Variants in VPS41 observed in about 807,000 individuals in gnomAD.
VPS41 encodes the protein VPS41 subunit of HOPS complex.
Under a neutral mutation model 130.9 loss-of-function variants are expected in VPS41, and 85 were observed. The observed-to-expected ratio is 0.65, with a 90% CI of 0.55 to 0.78. The LOEUF is 0.78. Among genes scored for constraint, VPS41 ranks in the 30% least tolerant of loss-of-function variants. The pLI is 0.00. For missense variants in VPS41, 874 were observed against 1,018.7 expected, an observed-to-expected ratio of 0.86 and a Z score of 1.93; for synonymous variants, 335 against 332.9, an observed-to-expected ratio of 1.01 and a Z score of -0.07.
intron 2 of VPS41, 49 bp from the exon 3 acceptor site, chr7:38,869,302 T>G (rs900000528): frequency 7.3e-7 from 1 of 1,374,576 alleles, no homozygotes; most frequent in Non-Finnish European, 1.0e-6. Flanking sequence ...TTTATTTGTT[T>G]TGAAAACCTC....
chr7:38,818,252 A>AC (rs1554293186), intron 6 of VPS41, among the ~76,000 whole-genome samples: 4 of 139,134 alleles, frequency 2.9e-5, no homozygotes, highest in East Asian at 2.5e-4. Flanking sequence ...AACAAAACAA[A>AC]AAAAAAAAAA....
intron 2 of VPS41, among the ~76,000 whole-genome samples, chr7:38,893,884 T>A (rs1297450356): frequency 2.0e-5 from 3 of 152,182 alleles, no homozygotes; most frequent in African/African-American, 7.2e-5. Context: ...ATGAAAAACA[T>A]ACGGCCAGTT....
At chr7:38,741,179 C>T (rs1795871803) in intron 25 of VPS41, 2 of 228,934 alleles carry the variant, frequency 8.7e-6, no homozygotes, top group Admixed American at 6.2e-5. Context: ...CAGCTAATAG[C>T]CTTTTCTTTT....
intron 7 of VPS41, among the ~76,000 whole-genome samples, chr7:38,802,298 C>T (rs1784744258): frequency 6.6e-6 from 1 of 152,176 alleles, no homozygotes; most frequent in South Asian, 2.1e-4. Flanking sequence ...CAGGCTCTCT[C>T]GCATGTGGCC....
Position 38,772,644 on chromosome 7 carries a change from G to A in VPS41, c.1013-7C>T. 2 of 1,595,938 alleles carry A rather than the reference G, an allele frequency of 1.3e-6. No homozygotes were observed. Among genetic ancestry groups the A allele is most frequent in the Non-Finnish European group, 1.7e-6 (2 of 1,165,444 alleles). ...GATTCCCCTTCAGAGTATTCTGTAG[G>A]TGAGAAAAGAGAGGAACGACTTGGT... On this transcript the variant is annotated splice_region_variant and splice_polypyrimidine_tract_variant and intron_variant, in intron 12 of 28. Coordinates refer to ENST00000310301, the MANE Select transcript of VPS41 (RefSeq NM_014396.4).
chr7:38,773,173 G>C (rs1784189411), intron 12 of VPS41, among the ~76,000 whole-genome samples: 1 of 152,120 alleles, frequency 6.6e-6, no homozygotes, highest in Non-Finnish European at 1.5e-5. Flanking sequence ...AGATGCCCAA[G>C]CCCTAGGGAC....
chr7:38,756,401 AC>A (rs1288376919), intron 19 of VPS41, among the ~76,000 whole-genome samples: 2 of 152,234 alleles, frequency 1.3e-5, no homozygotes, highest in Admixed American at 1.3e-4. Flanking sequence ...ACCAGGGGAA[AC>A]CCCACATGCT....
intron 2 of VPS41, among the ~76,000 whole-genome samples, chr7:38,874,298 A>G: frequency 6.6e-6 from 1 of 152,206 alleles, no homozygotes; most frequent in South Asian, 2.1e-4. Context: ...AGAACTTAAA[A>G]TGTCACCTCT....
chr7:38,791,541 G>A (rs894362668), intron 9 of VPS41, among the ~76,000 whole-genome samples: 2 of 152,116 alleles, frequency 1.3e-5, no homozygotes, highest in African/African-American at 4.8e-5. Context: ...TACAGAGCAG[G>A]GGCATCTCCT....
intron 4 of VPS41, among the ~76,000 whole-genome samples, chr7:38,842,350 C>T (rs1231100768): frequency 6.6e-6 from 1 of 152,192 alleles, no homozygotes; most frequent in Non-Finnish European, 1.5e-5. Context: ...CCCCATTTTC[C>T]ACACTGCTAA....
chr7:38,727,939 C>A (rs1395830491), intron 27 of VPS41, among the ~76,000 whole-genome samples: 3 of 152,212 alleles, frequency 2.0e-5, no homozygotes, highest in East Asian at 1.9e-4. Flanking sequence ...TAGAAATAAA[C>A]AAATGCTTAT....
intron 4 of VPS41, among the ~76,000 whole-genome samples, chr7:38,838,719 TAAAGA>T (rs1785545258): frequency 6.6e-6 from 1 of 152,206 alleles, no homozygotes; most frequent in Admixed American, 6.5e-5. Flanking sequence ...TTCTTAAATT[TAAAGA>T]AAAGGTAAAA....
At chr7:38,786,737 C>G (rs918429320) in intron 10 of VPS41, among the ~76,000 whole-genome samples, 2 of 152,154 alleles carry the variant, frequency 1.3e-5, no homozygotes, top group Non-Finnish European at 2.9e-5. Flanking sequence ...ATACCTAGAT[C>G]CTCAAGTAAA....
chr7:38,751,790 G>A (rs1280436248), intron 22 of VPS41, among the ~76,000 whole-genome samples: 2 of 152,184 alleles, frequency 1.3e-5, no homozygotes, highest in African/African-American at 4.8e-5. Flanking sequence ...TTCCTGACTG[G>A]AGCAACTGCT....
At chr7:38,777,101 C>T (rs1321379157) in intron 10 of VPS41, among the ~76,000 whole-genome samples, 1 of 152,060 alleles carries the variant, frequency 6.6e-6, no homozygotes, top group Non-Finnish European at 1.5e-5. Flanking sequence ...GCTTTGAAAC[C>T]CATAAAAAGA....
intron 25 of VPS41, among the ~76,000 whole-genome samples, chr7:38,736,253 T>C (rs556372981): frequency 6.6e-6 from 1 of 152,290 alleles, no homozygotes; most frequent in South Asian, 2.1e-4. Flanking sequence ...GTGTAAGAAA[T>C]ATCAAGGTGG....
chr7:38,825,015 A>G (rs191931156), intron 5 of VPS41, among the ~76,000 whole-genome samples: 398 of 152,376 alleles, frequency 2.6e-3, no homozygotes, highest in Non-Finnish European at 4.1e-3. Flanking sequence ...TATTGAAGGC[A>G]TAAGAGTATA....
Position 38,732,318 on chromosome 7 carries a change from T to C in VPS41, c.2260-3527A>G, listed in dbSNP as rs141239179. Among the ~76,000 whole-genome samples the C allele has an allele frequency of 1.6e-4, 24 of 152,306 alleles. No individual in the cohort carries two copies. The East Asian group carries it at 4.6e-3, about 29-fold the overall frequency. ...CTTGAGTAAATACCTAGGAGTGAAA[T>C]TCCTGGGTCATGGAGTAGGTGTATG... On this transcript the variant is annotated intron_variant, in intron 25 of 28. Coordinates refer to ENST00000310301, the MANE Select transcript of VPS41 (RefSeq NM_014396.4).
intron 2 of VPS41, among the ~76,000 whole-genome samples, chr7:38,875,858 G>GA (rs1786481239): frequency 6.6e-6 from 1 of 152,114 alleles, no homozygotes. Flanking sequence ...TGCTATTAAG[G>GA]AAAAAATATA....
Sources: allele counts gnomAD v4.1 joint callset (sites outside exome capture counted in the v4.1 genomes callset), GRCh38; gene constraint gnomAD v4.1.1; transcripts MANE v1.5; gene names NCBI Gene and HGNC (gene_info 2026-07-23, HGNC 2026-07-21).